Variants in SDK1 observed in about 807,000 individuals in gnomAD.
The protein encoded by SDK1 is protein sidekick-1.
SDK1 carries 157 observed loss-of-function variants against 245.5 expected under a neutral mutation model. The observed-to-expected ratio is 0.64, with a 90% confidence interval of 0.56 to 0.73. SDK1 has a LOEUF of 0.73. SDK1 is among the 30% of genes least tolerant of loss of function. The probability of loss-of-function intolerance (pLI) is 0.00; values close to 1 mark genes in which losing one functional copy is unlikely to be tolerated. For synonymous variants in SDK1, 1,647 were observed against 1,278.5 expected (o/e 1.29, Z -6.15); for missense variants, 3,583 against 3,002.3 (o/e 1.19, Z -4.52).
chr7:3,500,380 T>C (rs1782159247), intron 1 of SDK1, among the ~76,000 whole-genome samples: 1 of 152,166 alleles, frequency 6.6e-6, no homozygotes, highest in Middle Eastern at 3.2e-3. Flanking sequence ...TTCAAAAATG[T>C]AGACATTTTT....
At chr7:3,537,402 C>T (rs959846044) in intron 1 of SDK1, among the ~76,000 whole-genome samples, 1 of 152,198 alleles carries the variant, frequency 6.6e-6, no homozygotes, top group Non-Finnish European at 1.5e-5. Context: ...TGAGCTCTTT[C>T]CCCTAATCCT....
At chr7:3,851,096 A>C (rs1218446882) in intron 5 of SDK1, among the ~76,000 whole-genome samples, 1 of 152,204 alleles carries the variant, frequency 6.6e-6, no homozygotes, top group African/African-American at 2.4e-5. Flanking sequence ...AACCCCGTGC[A>C]TGCATGATTA....
At chr7:3,982,967 G>A (rs1204174745) in intron 13 of SDK1, among the ~76,000 whole-genome samples, 2 of 152,190 alleles carry the variant, frequency 1.3e-5, no homozygotes, top group East Asian at 1.9e-4. Context: ...ATCCACGGAG[G>A]AAGTTGCTGC....
chr7:3,814,629 G>GT (rs1408941043), intron 4 of SDK1, among the ~76,000 whole-genome samples: 2 of 152,026 alleles, frequency 1.3e-5, no homozygotes, highest in East Asian at 3.9e-4. Flanking sequence ...CTTTAAAGTA[G>GT]TTTTTTCCAA....
intron 40 of SDK1, among the ~76,000 whole-genome samples, chr7:4,222,543 C>G (rs1215116312): frequency 1.3e-5 from 2 of 152,212 alleles, no homozygotes; most frequent in Non-Finnish European, 2.9e-5. Context: ...GATCTACCCT[C>G]CTCGGCCTCC....
intron 14 of SDK1, among the ~76,000 whole-genome samples, chr7:3,994,641 CAA>C (rs58677753): frequency 6.1e-4 from 54 of 89,022 alleles, no homozygotes; most frequent in Middle Eastern, 6.8e-3. Context: ...GACTTCATCT[CAA>C]AAAAAAAAAA....
At chr7:3,742,065 A>G (rs1407921400) in intron 4 of SDK1, among the ~76,000 whole-genome samples, 1 of 150,616 alleles carries the variant, frequency 6.6e-6, no homozygotes, top group East Asian at 1.9e-4. Flanking sequence ...GAAAAGACAG[A>G]GCACAAATTT....
intron 25 of SDK1, among the ~76,000 whole-genome samples, chr7:4,126,294 A>C (rs1361246090): frequency 6.6e-6 from 1 of 152,268 alleles, no homozygotes; most frequent in Non-Finnish European, 1.5e-5. Flanking sequence ...GAGATTGTCT[A>C]GAATATAATA....
At chr7:3,824,394 G>C (rs1779719557) in intron 5 of SDK1, among the ~76,000 whole-genome samples, 1 of 152,202 alleles carries the variant, frequency 6.6e-6, no homozygotes, top group African/African-American at 2.4e-5. Context: ...CTTGCTGTCG[G>C]GAGAATAAAG....
chr7:4,032,552 A>T (rs1205928151), intron 17 of SDK1, among the ~76,000 whole-genome samples: 1 of 152,232 alleles, frequency 6.6e-6, no homozygotes, highest in African/African-American at 2.4e-5. Context: ...GGAAGTGATT[A>T]AACTATCTTT....
At chr7:3,959,565 C>G (rs548327624) in intron 8 of SDK1, among the ~76,000 whole-genome samples, 36 of 152,290 alleles carry the variant, frequency 2.4e-4, no homozygotes, top group African/African-American at 8.4e-4. Context: ...AATTTCTCAT[C>G]GCCCACCCCA....
intron 1 of SDK1, among the ~76,000 whole-genome samples, chr7:3,405,090 T>C (rs1419492222): frequency 6.6e-6 from 1 of 151,964 alleles, no homozygotes; most frequent in Non-Finnish European, 1.5e-5. Flanking sequence ...AAGCCTTGGT[T>C]TTCTTATTTT....
At chr7:4,062,384 C>G (rs1185856193) in intron 19 of SDK1, among the ~76,000 whole-genome samples, 1 of 151,162 alleles carries the variant, frequency 6.6e-6, no homozygotes, top group Non-Finnish European at 1.5e-5. Flanking sequence ...TTCCTGAACA[C>G]ATACAACCTA....
At chr7:3,535,541 G>A (rs1333746340) in intron 1 of SDK1, among the ~76,000 whole-genome samples, 2 of 152,086 alleles carry the variant, frequency 1.3e-5, no homozygotes, top group Non-Finnish European at 2.9e-5. Flanking sequence ...CCTTATGCAG[G>A]CTTCTTAACT....
intron 4 of SDK1, among the ~76,000 whole-genome samples, chr7:3,697,555 T>G (rs1053769216): frequency 6.6e-6 from 1 of 152,188 alleles, no homozygotes; most frequent in African/African-American, 2.4e-5. Flanking sequence ...TTTGAGTCAT[T>G]TTTGTCTCAC....
chr7:3,699,732 T>A (rs1784687127), intron 4 of SDK1, among the ~76,000 whole-genome samples: 1 of 152,078 alleles, frequency 6.6e-6, no homozygotes, highest in African/African-American at 2.4e-5. Context: ...AAAGAAATAA[T>A]GGTTAAAGAT....
intron 4 of SDK1, among the ~76,000 whole-genome samples, chr7:3,781,307 C>G (rs758954598): frequency 6.6e-6 from 1 of 152,082 alleles, no homozygotes; most frequent in Non-Finnish European, 1.5e-5. Context: ...AGGCCCACAA[C>G]CCCACCTGAC....
intron 19 of SDK1, among the ~76,000 whole-genome samples, chr7:4,062,131 A>G (rs1779583524): frequency 6.6e-6 from 1 of 151,770 alleles, no homozygotes; most frequent in South Asian, 2.1e-4. Context: ...TTAAAGTATA[A>G]TAATAATAAT....
intron 4 of SDK1, among the ~76,000 whole-genome samples, chr7:3,700,384 C>G (rs1305166793): frequency 6.6e-6 from 1 of 152,068 alleles, no homozygotes; most frequent in East Asian, 1.9e-4. Flanking sequence ...AAATGTAGTT[C>G]ACAGTGATAT....
Sources: gnomAD v4.1 joint callset for allele counts (sites outside exome capture counted in the v4.1 genomes callset) on GRCh38, gnomAD v4.1.1 for gene constraint, MANE v1.5 for transcripts, NCBI Gene and HGNC (gene_info 2026-07-23, HGNC 2026-07-21) for gene names.